GRID2: variants seen among roughly 807,000 people sequenced by gnomAD.
The protein encoded by GRID2 is glutamate ionotropic receptor delta type subunit 2.
Under a neutral mutation model 114.8 loss-of-function variants are expected in GRID2, and 33 were observed. The observed-to-expected ratio is 0.29, with a 90% CI of 0.22 to 0.38. The LOEUF is 0.38. Ranked by LOEUF, GRID2 falls within the 10% of genes least tolerant of loss-of-function variation. The pLI, the probability that GRID2 is intolerant of heterozygous loss-of-function variation, is 1.00. For synonymous variants in GRID2, 505 were observed against 449.9 expected (o/e 1.12, Z -1.55); for missense variants, 1,184 against 1,257.7 (o/e 0.94, Z 0.89).
At chr4:93,003,263 G>T (rs1721188187) in intron 2 of GRID2, among the ~76,000 whole-genome samples, 1 of 151,746 alleles carries the variant, frequency 6.6e-6, no homozygotes, top group South Asian at 2.1e-4. Flanking sequence ...ATTTTACAGG[G>T]CAATTTTTTG....
In GRID2 at chr4:93,756,270, C is replaced by T. The variant is rs1205817353; in HGVS notation, c.2361-12940C>T. ...GGAACATTCCAAAATTGGAAAAGTG[C>T]TAAAAGGGAAAGTGGCCCCTAAGTG... On this transcript the variant is annotated intron_variant, in intron 14 of 15. Transcript: ENST00000282020. Among the ~76,000 whole-genome samples the T allele has an allele frequency of 2.0e-5, 3 of 152,138 alleles. No individual in the cohort carries two copies. The East Asian group carries it at 5.8e-4, about 29-fold the overall frequency.
intron 6 of GRID2, among the ~76,000 whole-genome samples, chr4:93,223,192 G>T (rs529219234): frequency 1.3e-5 from 2 of 151,998 alleles, no homozygotes; most frequent in African/African-American, 4.8e-5. Flanking sequence ...CCATTCTTTT[G>T]TAGTCTATCT....
intron 9 of GRID2, among the ~76,000 whole-genome samples, chr4:93,419,546 A>G (rs1768059273): frequency 6.6e-6 from 1 of 152,094 alleles, no homozygotes; most frequent in African/African-American, 2.4e-5. Flanking sequence ...TCCGTAATAG[A>G]GCTTAAAACT....
intron 2 of GRID2, among the ~76,000 whole-genome samples, chr4:92,834,224 C>T (rs1742304972): frequency 6.6e-6 from 1 of 152,078 alleles, no homozygotes; most frequent in African/African-American, 2.4e-5. Flanking sequence ...ATCAATATTT[C>T]CTTCAACAAT....
chr4:92,489,377 C>G (rs912933912), intron 1 of GRID2, among the ~76,000 whole-genome samples: 5 of 152,242 alleles, frequency 3.3e-5, no homozygotes, highest in East Asian at 1.9e-4. Context: ...TATTTAGACA[C>G]ACATCTCATT....
intron 13 of GRID2, among the ~76,000 whole-genome samples, chr4:93,540,233 G>A (rs1447874058): frequency 3.3e-5 from 5 of 151,452 alleles, no homozygotes; most frequent in Admixed American, 2.0e-4. Flanking sequence ...TTTCCTTATT[G>A]CGATGTTTTT....
intron 2 of GRID2, among the ~76,000 whole-genome samples, chr4:92,738,905 C>T (rs79630490): frequency 0.018 from 2,776 of 152,184 alleles, 39 homozygotes; most frequent in South Asian, 0.072. Context: ...TGGCTCTAAG[C>T]AGTTCTCCCA....
chr4:93,549,826 C>T (rs1425687192), intron 13 of GRID2, among the ~76,000 whole-genome samples: 2 of 152,248 alleles, frequency 1.3e-5, no homozygotes, highest in East Asian at 3.9e-4. Context: ...ACAAGGAATT[C>T]CTTCCAGAAG....
intron 2 of GRID2, among the ~76,000 whole-genome samples, chr4:92,830,808 C>A (rs568392210): frequency 1.3e-5 from 2 of 152,242 alleles, no homozygotes; most frequent in East Asian, 3.9e-4. Context: ...CAGTCTTCAT[C>A]ACTTTAAGAG....
intron 2 of GRID2, among the ~76,000 whole-genome samples, chr4:92,752,222 A>G (rs1362721933): frequency 6.6e-6 from 1 of 152,220 alleles, no homozygotes; most frequent in Non-Finnish European, 1.5e-5. Flanking sequence ...TGAGAAAGTC[A>G]AGCCTTATAG....
chr4:93,603,184 TA>T (rs1337841809), intron 13 of GRID2, among the ~76,000 whole-genome samples: 7 of 151,574 alleles, frequency 4.6e-5, no homozygotes, highest in Non-Finnish European at 8.8e-5. Context: ...CACTCCAGCC[TA>T]GGGGACAAAA....
intron 3 of GRID2, among the ~76,000 whole-genome samples, chr4:93,108,355 A>T (rs1330748073): frequency 6.6e-6 from 1 of 152,170 alleles, no homozygotes; most frequent in African/African-American, 2.4e-5. Flanking sequence ...TCTAATATTC[A>T]ACAAATGTTT....
rs79530250 is a variant in GRID2 at position 93,160,160 on chromosome 4, G to A, written c.736-47244G>A. ...CATGGGAAAACTGTATGGATAATTC[G>A]TGAGTTGTAAAACACAGGCCATGAG... is the stretch of plus-strand genomic sequence containing the variant. On this transcript the variant is annotated intron_variant, in intron 4 of 15. Transcript: ENST00000282020. Among the ~76,000 whole-genome samples the A allele has an allele frequency of 4.0e-5, 6 of 151,776 alleles. No homozygotes were observed. In the South Asian group the frequency reaches 6.2e-4, roughly 16 times the overall value.
At chr4:93,002,275 A>C (rs1721069304) in intron 2 of GRID2, among the ~76,000 whole-genome samples, 2 of 151,784 alleles carry the variant, frequency 1.3e-5, no homozygotes, top group African/African-American at 4.8e-5. Flanking sequence ...TTTAGTATAC[A>C]AAACAAATCC....
chr4:93,036,081 C>T (rs1050167873), intron 2 of GRID2, among the ~76,000 whole-genome samples: 3 of 152,002 alleles, frequency 2.0e-5, no homozygotes, highest in African/African-American at 7.3e-5. Flanking sequence ...GACGTCTCAC[C>T]TCTGGTTACC....
rs894280419 is a variant in GRID2, at chr4:93,644,232, A to C, written c.2360+17797A>C. On this transcript the variant is annotated intron_variant, in intron 14 of 15. Transcript: ENST00000282020. The stretch of plus-strand genomic sequence containing the variant: ...CTGTCTGGCACTCCCTAGTGAGATG[A>C]ACCCGGTACCTCAGATGGAAATGCA... Among the ~76,000 whole-genome samples, 7 of 70,132 alleles carry C rather than the reference A, an allele frequency of 1.0e-4. 2 individuals are homozygous for C. Among genetic ancestry groups the C allele is most frequent in the African/African-American group, 4.4e-4 (4 of 9,148 alleles). 46.0% of individuals were successfully genotyped at this position (70,132 alleles called of 152,430 possible).
intron 13 of GRID2, among the ~76,000 whole-genome samples, chr4:93,565,087 G>C (rs1735278701): frequency 6.6e-6 from 1 of 151,684 alleles, no homozygotes; most frequent in South Asian, 2.1e-4. Flanking sequence ...CTTAATTATA[G>C]AACTTTATAT....
intron 8 of GRID2, among the ~76,000 whole-genome samples, chr4:93,301,261 T>G (rs1371183846): frequency 1.3e-5 from 2 of 152,194 alleles, no homozygotes; most frequent in African/African-American, 4.8e-5. Flanking sequence ...AAATAAGCTC[T>G]TTTTGACATA....
At chr4:92,570,306 T>C (rs940413929) in intron 1 of GRID2, among the ~76,000 whole-genome samples, 5 of 152,122 alleles carry the variant, frequency 3.3e-5, no homozygotes, top group South Asian at 2.1e-4. Context: ...TGCTATTTCA[T>C]TGGTCTATGT....
Sources: allele counts gnomAD v4.1 joint callset (sites outside exome capture counted in the v4.1 genomes callset), GRCh38; gene constraint gnomAD v4.1.1; transcripts MANE v1.5; gene names NCBI Gene and HGNC (gene_info 2026-07-23, HGNC 2026-07-21).